MED27: variants seen among roughly 807,000 people sequenced by gnomAD.
MED27 encodes mediator of RNA polymerase II transcription subunit 27.
Under a neutral mutation model 38.2 loss-of-function variants are expected in MED27, and 30 were observed. The observed-to-expected ratio is 0.79, with a 90% CI of 0.59 to 1.07. The LOEUF (loss-of-function observed/expected upper bound fraction) is 1.07, where lower values mean the gene tolerates loss of function less well. Ranked by LOEUF, MED27 falls within the 50% of genes least tolerant of loss-of-function variation. The probability of loss-of-function intolerance (pLI) is 0.00; values close to 1 mark genes in which losing one functional copy is unlikely to be tolerated. For missense variants in MED27, 289 were observed against 397.5 expected (o/e 0.73, Z 2.32); for synonymous variants, 122 against 153.5 (o/e 0.79, Z 1.52).
chr9:132,041,505 G>A (rs1206933058), intron 2 of MED27, among the ~76,000 whole-genome samples: 1 of 152,150 alleles, frequency 6.6e-6, no homozygotes, highest in Admixed American at 6.5e-5. Context: ...TAACCATCAT[G>A]CTACCGACTG....
chr9:131,963,017 T>C (rs1831249775), intron 3 of MED27, among the ~76,000 whole-genome samples: 1 of 152,204 alleles, frequency 6.6e-6, no homozygotes, highest in Non-Finnish European at 1.5e-5. Flanking sequence ...GCAAGAAAGT[T>C]TCTAATATAA....
Position 131,911,034 on chromosome 9 carries a change from CTAAA to C in MED27, c.574-17046_574-17043del, listed in dbSNP as rs200069759. On this transcript the variant is annotated intron_variant, in intron 4 of 7. Transcript: ENST00000292035. Reference sequence around the variant, plus strand: ...TGGGATGCAATTAAACCATGAGAGGCTAAATAAACATACATACTAATTAGGATCT... The same window carrying C: ...TGGGATGCAATTAAACCATGAGAGGCTAAACATACATACTAATTAGGATCT... 1.8e-4 allele frequency among the ~76,000 whole-genome samples: 28 copies of C among 151,852 alleles called. No individual in the cohort carries two copies. The East Asian group carries it at 5.3e-3, about 29-fold the overall frequency.
Position 131,876,537 on chromosome 9 carries a change from AC to A in MED27, c.723+7520del, listed in dbSNP as rs1477912699. The stretch of plus-strand genomic sequence containing the variant: ...AGTTTAGATGCTTATGAATATTCAA[AC>A]AAGACCATTAAGAGAGAAGGTGGCG... On this transcript the variant is annotated intron_variant, in intron 6 of 7. Coordinates refer to ENST00000292035, the MANE Select transcript of MED27 (RefSeq NM_004269.4). Among the ~76,000 whole-genome samples, 73 of 152,318 alleles carry A rather than the reference AC, an allele frequency of 4.8e-4. 3 individuals are homozygous for A. The highest frequency in any genetic ancestry group is 2.7e-3 in the East Asian group (14 of 5,180).
intron 3 of MED27, among the ~76,000 whole-genome samples, chr9:132,013,513 T>C (rs1255089573): frequency 6.6e-6 from 1 of 152,196 alleles, no homozygotes; most frequent in Non-Finnish European, 1.5e-5. Context: ...AAAAAATCAT[T>C]AAACTGTATG....
chr9:131,998,411 A>G (rs530365943), intron 3 of MED27, among the ~76,000 whole-genome samples: 1 of 152,176 alleles, frequency 6.6e-6, no homozygotes, highest in South Asian at 2.1e-4. Context: ...TCTGTTACTG[A>G]AAAGTCTCAG....
chr9:132,079,032 G>C (rs184676255), intron 1 of MED27, among the ~76,000 whole-genome samples: 1 of 152,354 alleles, frequency 6.6e-6, no homozygotes, highest in South Asian at 2.1e-4. Flanking sequence ...AACTGGTTAA[G>C]AGATTAGAGA....
intron 2 of MED27, chr9:132,073,254 C>T (rs1833980382): frequency 1.1e-6 from 1 of 908,124 alleles, no homozygotes; most frequent in Admixed American, 6.2e-5. Context: ...CTGGCTTTCT[C>T]AGTAATGGCT....
rs1838644943 is a variant in MED27 at position 131,861,140 on chromosome 9, A to C, written c.802-468T>G. Among the ~76,000 whole-genome samples, 1 of 152,054 alleles carries C rather than the reference A, an allele frequency of 6.6e-6. No individual in the cohort carries two copies. Among genetic ancestry groups the C allele is most frequent in the African/African-American group, 2.4e-5 (1 of 41,400 alleles). ...GCGGAGGTCAACATGCCTTCTAGCTAATCTGATTTCAGAGGTTGTCACTCA... is the reference window on the plus strand; with the variant it reads ...GCGGAGGTCAACATGCCTTCTAGCTCATCTGATTTCAGAGGTTGTCACTCA... On this transcript the variant is annotated intron_variant, in intron 7 of 7. Transcript: ENST00000292035. The surrounding 1 kb of genome is among the most constrained non-coding windows in gnomAD (Gnocchi z 4.4).
intron 6 of MED27, chr9:131,868,928 G>C: frequency 1.0e-6 from 1 of 985,496 alleles, no homozygotes; most frequent in Non-Finnish European, 1.2e-6. Flanking sequence ...CTTCAGAGGC[G>C]GCGGGAGCCA....
Position 131,860,705 on chromosome 9 carries a change from A to G in MED27, c.802-33T>C. On this transcript the variant is annotated intron_variant, in intron 7 of 7. Coordinates refer to ENST00000292035, the MANE Select transcript of MED27 (RefSeq NM_004269.4). This position sits in a 1 kb window ranked among gnomAD's most constrained non-coding sequence, Gnocchi z 5.8. ...GAGAAACGAGGAGAGAAGTGAAAGA[A>G]TGGGATACGGGTGCTCCCAAAGTCC... is the stretch of plus-strand genomic sequence containing the variant. The G allele has an allele frequency of 6.2e-7, 1 of 1,608,584 alleles. No individual in the cohort carries two copies. The highest frequency in any genetic ancestry group is 8.5e-7 in the Non-Finnish European group (1 of 1,177,160).
chr9:131,962,975 T>A (rs1233602156), intron 3 of MED27, among the ~76,000 whole-genome samples: 1 of 152,240 alleles, frequency 6.6e-6, no homozygotes, highest in Non-Finnish European at 1.5e-5. Context: ...TCAGCATTGA[T>A]TCAAATACAC....
intron 3 of MED27, among the ~76,000 whole-genome samples, chr9:132,010,699 G>T (rs952675840): frequency 2.6e-5 from 4 of 152,162 alleles, no homozygotes; most frequent in African/African-American, 9.7e-5. Flanking sequence ...ATACTATGCA[G>T]CCATAAAAAA....
At position 132,003,136 on chromosome 9, in the gene MED27, C is replaced by T. The variant is rs1195993723; in HGVS notation, c.479+11201G>A. ...AGCTTCTATGTGATGAGCTGTACTA[C>T]ACAACCACCCATTTCTTTTCTTCCT... On this transcript the variant is annotated intron_variant, in intron 3 of 7. Transcript: ENST00000292035. This position sits in a 1 kb window ranked among gnomAD's most constrained non-coding sequence, Gnocchi z 4.2. Among the ~76,000 whole-genome samples, 1 of 151,978 alleles carries T rather than the reference C, an allele frequency of 6.6e-6. No homozygotes were observed. Among genetic ancestry groups the T allele is most frequent in the Non-Finnish European group, 1.5e-5 (1 of 67,988 alleles).
At chr9:131,970,541 G>A (rs1319522694) in intron 3 of MED27, among the ~76,000 whole-genome samples, 2 of 152,236 alleles carry the variant, frequency 1.3e-5, no homozygotes, top group Non-Finnish European at 2.9e-5. Context: ...GGGACCACAA[G>A]CCGGTGAAAA....
At chr9:131,877,499 T>C (rs1038154544) in intron 6 of MED27, among the ~76,000 whole-genome samples, 2 of 151,918 alleles carry the variant, frequency 1.3e-5, no homozygotes, top group Admixed American at 1.3e-4. Context: ...TTGCTTGAAC[T>C]TGGGAGGTGG....
intron 3 of MED27, among the ~76,000 whole-genome samples, chr9:131,941,631 C>T (rs1272800469): frequency 1.3e-5 from 2 of 151,854 alleles, no homozygotes; most frequent in African/African-American, 2.4e-5. Context: ...TATTTGCTCC[C>T]GGAGAAAAGA....
At position 131,861,631 on chromosome 9, in the gene MED27, CT is replaced by C. The variant is rs1838653432; in HGVS notation, c.802-960del. The stretch of plus-strand genomic sequence containing the variant: ...CTTCAGTTAAACTACTTATTTTTCC[CT>C]AAGTAGAAGAAGTTCTGTCTCTGCC... On this transcript the variant is annotated intron_variant, in intron 7 of 7. Transcript: ENST00000292035. This position sits in a 1 kb window ranked among gnomAD's most constrained non-coding sequence, Gnocchi z 4.4. Among the ~76,000 whole-genome samples the C allele has an allele frequency of 6.6e-6, 1 of 152,186 alleles. No homozygotes were observed.
intron 3 of MED27, among the ~76,000 whole-genome samples, chr9:131,951,634 T>A (rs540836262): frequency 6.6e-6 from 1 of 152,342 alleles, no homozygotes; most frequent in East Asian, 1.9e-4. Context: ...ATCACTATCC[T>A]CTTCACATAA....
rs76989211 is a variant in MED27, at chr9:131,897,499, G to A, written c.574-3507C>T. On this transcript the variant is annotated intron_variant, in intron 4 of 7. Transcript: ENST00000292035. ...ACTACATGCTTGATAATACTGGAGC[G>A]TTATTATTGTATGAGATGTGGGTGT... is the stretch of plus-strand genomic sequence containing the variant. Among the ~76,000 whole-genome samples the A allele has an allele frequency of 4.0e-3, 603 of 152,270 alleles. 1 individual carries two copies. Among genetic ancestry groups the A allele is most frequent in the East Asian group, 0.038 (199 of 5,184 alleles).
Sources: gnomAD v4.1 joint callset for allele counts (sites outside exome capture counted in the v4.1 genomes callset) on GRCh38, gnomAD v4.1.1 for gene constraint, Gnocchi (gnomAD v3.1) non-coding constraint, MANE v1.5 for transcripts, NCBI Gene and HGNC (gene_info 2026-07-23, HGNC 2026-07-21) for gene names.